LYST: variants seen among roughly 807,000 people sequenced by gnomAD.
LYST encodes the protein lysosomal trafficking regulator.
LYST carries 192 observed loss-of-function variants against 413.6 expected under a neutral mutation model. The ratio of observed to expected loss-of-function variants is 0.46; its 90% CI spans 0.41 to 0.52. The LOEUF is 0.52. Ranked by LOEUF, LYST falls within the 20% of genes least tolerant of loss-of-function variation. The pLI is 0.00. For synonymous variants in LYST, 1,525 were observed against 1,567.3 expected (o/e 0.97, Z 0.64); for missense variants, 3,815 against 4,499.9 (o/e 0.85, Z 4.35).
chr1:235,747,408 TA>T (rs1666035992), intron 28 of LYST: 1 of 255,330 alleles, frequency 3.9e-6, no homozygotes, highest in African/African-American at 2.3e-5. Context: ...ATGACTAAAT[TA>T]TAACAGGTTT....
intron 19 of LYST, among the ~76,000 whole-genome samples, chr1:235,771,917 G>GTTTTT (rs1215590592): frequency 3.6e-3 from 261 of 72,560 alleles, no homozygotes; most frequent in African/African-American, 8.7e-3. Flanking sequence ...TTTTTAGTTT[G>GTTTTT]TTTTTTTTTT....
At chr1:235,714,925 A>G (rs1021062823) in intron 42 of LYST, among the ~76,000 whole-genome samples, 30 of 152,352 alleles carry the variant, frequency 2.0e-4, no homozygotes, top group African/African-American at 7.0e-4. Flanking sequence ...GGTAAATTTT[A>G]TGGTTTGTGA....
chr1:235,845,030 T>G (rs12038975), intron 1 of LYST, among the ~76,000 whole-genome samples: 70,644 of 151,422 alleles, frequency 0.47, 18,028 homozygotes, highest in East Asian at 0.93. Flanking sequence ...CAGCATGTGG[T>G]GGCTTGCATT....
rs942149206 is a variant in LYST, at chr1:235,806,459, C to T, written c.2677G>A (p.Val893Ile). The T allele has an allele frequency of 3.1e-6, 5 of 1,613,928 alleles. No individual in the cohort carries two copies. Among genetic ancestry groups the T allele is most frequent in the African/African-American group, 1.3e-5 (1 of 74,890 alleles). ...AATAGGTTTATTGTGTTGATATGAACATCTTGGTTAACAGTCTTCCGTCTC... is the reference window on the plus strand; with the variant it reads ...AATAGGTTTATTGTGTTGATATGAATATCTTGGTTAACAGTCTTCCGTCTC... ...PKRRKTVNQD[V>I]HINTINLFLC... Residue 893 changes from valine to isoleucine, a missense_variant, in exon 6 of 53, where the codon GTT (valine) becomes ATT (isoleucine). Around this residue, in one of 4 missense-constraint regions of LYST, gnomAD observed 1,648 missense variants for 1,810.3 expected, o/e 0.91. Coordinates refer to ENST00000389793, the MANE Select transcript of LYST (RefSeq NM_000081.4).
intron 47 of LYST, among the ~76,000 whole-genome samples, chr1:235,690,201 G>A (rs147015542): frequency 9.7e-4 from 147 of 152,308 alleles, no homozygotes; most frequent in African/African-American, 3.4e-3. Flanking sequence ...ACTGATGACA[G>A]CAATGAGTTA....
At chr1:235,702,082 G>A (rs1305861997) in intron 45 of LYST, among the ~76,000 whole-genome samples, 1 of 152,118 alleles carries the variant, frequency 6.6e-6, no homozygotes, top group East Asian at 1.9e-4. Context: ...TTCATTTTCT[G>A]TGATTTCCTT....
Position 235,810,146 on chromosome 1 carries a change from G to A in LYST, c.672C>T (p.Ser224=). The A allele has an allele frequency of 3.7e-6, 6 of 1,614,118 alleles. No homozygotes were observed. The highest frequency in any genetic ancestry group is 5.1e-6 in the Non-Finnish European group (6 of 1,179,996). The change falls in exon 5 of 53, where the codon TCC becomes TCT. Residue 224 remains serine, a synonymous_variant. Transcript: ENST00000389793. ...TPPDAMALEN[S]REIIPRQGSN... ...ACCCCTGTCTTGGAATAATCTCTCT[G>A]GAATTTTCCAAAGCCATAGCATCTG...
chr1:235,859,955 G>A (rs1679667039), intron 1 of LYST, among the ~76,000 whole-genome samples: 1 of 152,190 alleles, frequency 6.6e-6, no homozygotes. Context: ...AGCTTAATAT[G>A]ACTTGTTCTT....
intron 10 of LYST, among the ~76,000 whole-genome samples, chr1:235,795,916 A>G (rs936696518): frequency 6.6e-6 from 1 of 152,148 alleles, no homozygotes; most frequent in East Asian, 1.9e-4. Context: ...ATAATCAAAT[A>G]TATACAAGGA....
chr1:235,736,312 G>C (rs1277598236), intron 31 of LYST: 1 of 152,194 alleles, frequency 6.6e-6, no homozygotes, highest in East Asian at 1.9e-4. Context: ...TTTCAAAGAA[G>C]GTTCTAAGAA....
intron 34 of LYST, among the ~76,000 whole-genome samples, chr1:235,733,241 T>G (rs1342415393): frequency 1.3e-5 from 2 of 152,170 alleles, no homozygotes; most frequent in East Asian, 3.8e-4. Context: ...ATTTCTCTAT[T>G]CTTTTACAGA....
At chr1:235,826,563 C>G (rs925282452) in intron 3 of LYST, among the ~76,000 whole-genome samples, 4 of 152,002 alleles carry the variant, frequency 2.6e-5, no homozygotes, top group Non-Finnish European at 5.9e-5. Context: ...CAGTGGTGGT[C>G]TTGCAGTGAG....
chr1:235,741,596 T>C lies in LYST; in HGVS notation c.8184A>G (p.Gln2728=), dbSNP rs758214258. Residue 2728 remains glutamine (Q), a synonymous_variant, in exon 31 of 53, where the codon CAA becomes CAG. Transcript: ENST00000389793. ...TACAAGACCACAGAATTTTAGTCCA[T>C]TGCTGCTTGGAACCACTGGCTTTAC... The part of the protein sequence containing the change: ...GSSKASGSKQ[Q]WTKILWSCKE... The C allele has an allele frequency of 1.9e-6, 3 of 1,614,102 alleles. No homozygotes were observed. Among genetic ancestry groups the C allele is most frequent in the Non-Finnish European group, 2.5e-6 (3 of 1,179,964 alleles).
chr1:235,772,414 T>G (rs1668798888), intron 19 of LYST, among the ~76,000 whole-genome samples: 1 of 151,590 alleles, frequency 6.6e-6, no homozygotes, highest in Non-Finnish European at 1.5e-5. Flanking sequence ...ACAATCTAGT[T>G]TTTTTTTTGC....
intron 3 of LYST, among the ~76,000 whole-genome samples, chr1:235,826,554 A>G (rs1675357680): frequency 6.6e-6 from 1 of 152,198 alleles, no homozygotes; most frequent in East Asian, 1.9e-4. Flanking sequence ...AAGTCACAAC[A>G]GTGGTGGTCT....
At chr1:235,707,343 T>C (rs893841951) in intron 44 of LYST, among the ~76,000 whole-genome samples, 18 of 152,076 alleles carry the variant, frequency 1.2e-4, no homozygotes, top group African/African-American at 4.3e-4. Flanking sequence ...CTTGAAAATG[T>C]AGGCCAGACA....
chr1:235,736,486 A>C, intron 31 of LYST: 1 of 152,270 alleles, frequency 6.6e-6, no homozygotes, highest in East Asian at 1.9e-4. Context: ...GCATGACTGT[A>C]AAAATAAACA....
chr1:235,826,807 G>C (rs1201496365), intron 3 of LYST, among the ~76,000 whole-genome samples: 1 of 152,050 alleles, frequency 6.6e-6, no homozygotes, highest in Non-Finnish European at 1.5e-5. Context: ...TCAGCCTCCT[G>C]AGTAGCTGGG....
At chr1:235,774,863 T>C (rs762616676) in intron 18 of LYST, 50 bp downstream of exon 18, 5 of 1,181,290 alleles carry the variant, frequency 4.2e-6, no homozygotes, top group Non-Finnish European at 6.3e-6. Context: ...GATGACGAGA[T>C]GAGTATCACT....
Sources: allele counts gnomAD v4.1 joint callset (sites outside exome capture counted in the v4.1 genomes callset), GRCh38; gene constraint gnomAD v4.1.1; regional missense constraint gnomAD v4.1.1; transcripts MANE v1.5; gene names NCBI Gene and HGNC (gene_info 2026-07-23, HGNC 2026-07-21).